CCDC33: variants seen among roughly 807,000 people sequenced by gnomAD.
The protein encoded by CCDC33 is coiled-coil domain-containing protein 33.
CCDC33 carries 94 observed loss-of-function variants against 91.9 expected under a neutral mutation model. The ratio of observed to expected loss-of-function variants is 1.02; its 90% CI spans 0.87 to 1.21. The LOEUF (loss-of-function observed/expected upper bound fraction) is 1.21. Ranked by LOEUF, CCDC33 falls within the 50% of genes most tolerant of loss-of-function variation. The pLI, the probability that CCDC33 is intolerant of heterozygous loss-of-function variation, is 0.00. For missense variants in CCDC33, 940 were observed against 935.5 expected (o/e 1.00, Z -0.06); for synonymous variants, 396 against 374.5 (o/e 1.06, Z -0.66).
chr15:74,330,325 A>AGGGCAAAG lies in CCDC33; in HGVS notation c.1428_1435dup (p.Ala479GlyfsTer13). On this transcript the variant is annotated frameshift_variant, in exon 12 of 19. Coordinates refer to ENST00000398814, the MANE Select transcript of CCDC33 (RefSeq NM_025055.5). LOFTEE classifies it high-confidence loss of function. ...GCCCAGCAGGAGGAGGAAGAGGGGC[A>AGGGCAAAG]GGGCAAAGCCAGTGAGGCCCAGAAC... is the stretch of plus-strand genomic sequence containing the variant. The AGGGCAAAG allele has an allele frequency of 6.2e-7, 1 of 1,608,212 alleles. No individual in the cohort carries two copies. The highest frequency in any genetic ancestry group is 8.5e-7 in the Non-Finnish European group (1 of 1,178,144).
chr15:74,315,212 G>A (rs2060068123), intron 11 of CCDC33, among the ~76,000 whole-genome samples: 1 of 152,208 alleles, frequency 6.6e-6, no homozygotes. Context: ...TCGAGTTGCG[G>A]GGAGGCCTCT....
chr15:74,262,210 CT>C (rs2076042498), intron 2 of CCDC33, among the ~76,000 whole-genome samples: 4 of 152,184 alleles, frequency 2.6e-5, no homozygotes, highest in Non-Finnish European at 5.9e-5. Context: ...AAGTGAGAGG[CT>C]TGTGACTAAG....
chr15:74,280,343 G>A (rs74354612), intron 8 of CCDC33, among the ~76,000 whole-genome samples: 3,761 of 152,302 alleles, frequency 0.025, 143 homozygotes, highest in African/African-American at 0.086. Flanking sequence ...ATGGGGGAGG[G>A]CTGGAGCCCT....
intron 10 of CCDC33, among the ~76,000 whole-genome samples, chr15:74,290,044 G>A (rs1479220401): frequency 6.6e-6 from 1 of 151,468 alleles, no homozygotes; most frequent in African/African-American, 2.5e-5. Flanking sequence ...TCAGAAAATG[G>A]GAGTTGGTCT....
intron 7 of CCDC33, among the ~76,000 whole-genome samples, chr15:74,278,617 C>A (rs2076511339): frequency 6.6e-6 from 1 of 152,246 alleles, no homozygotes; most frequent in African/African-American, 2.4e-5. Flanking sequence ...GCGTCCTCTG[C>A]ACAGGGTGTG....
At position 74,236,563 on chromosome 15, in the gene CCDC33, T is replaced by A; in HGVS notation, c.-157T>A. ...CCCCAGGGCTGGTGTGTGGCACCCC[T>A]GAGACCACATTGACCTCCATACTGT... On this transcript the variant is annotated 5_prime_UTR_variant, in exon 1 of 19. Coordinates refer to ENST00000398814, the MANE Select transcript of CCDC33 (RefSeq NM_025055.5). 8.1e-5 allele frequency: 26 copies of A among 320,756 alleles called. No individual in the cohort carries two copies. The highest frequency in any genetic ancestry group is 1.0e-4 in the Non-Finnish European group (17 of 168,436). The allele number at this position is 320,756 out of a possible 1,614,324, so 19.9% of individuals were successfully genotyped here. A position where few individuals can be genotyped will look rare whatever the true frequency, so the allele number is the denominator to read the frequency against.
intron 11 of CCDC33, 151 bp downstream of exon 11, chr15:74,296,099 G>C: frequency 1.6e-6 from 1 of 634,122 alleles, no homozygotes; most frequent in Non-Finnish European, 2.7e-6. Flanking sequence ...TTACCCCAAA[G>C]TCAAACTGCT....
intron 11 of CCDC33, among the ~76,000 whole-genome samples, chr15:74,326,550 C>T (rs1567037098): frequency 6.6e-6 from 1 of 152,226 alleles, no homozygotes; most frequent in Non-Finnish European, 1.5e-5. Context: ...CAAAGGCCAC[C>T]AGCGCTCAGT....
At chr15:74,312,576 C>A (rs763465371) in intron 11 of CCDC33, among the ~76,000 whole-genome samples, 1 of 152,182 alleles carries the variant, frequency 6.6e-6, no homozygotes, top group Non-Finnish European at 1.5e-5. Context: ...CTGTTCACAG[C>A]GCCTATGTAC....
intron 7 of CCDC33, among the ~76,000 whole-genome samples, chr15:74,278,777 A>T (rs2076515487): frequency 6.6e-6 from 1 of 152,234 alleles, no homozygotes; most frequent in Non-Finnish European, 1.5e-5. Context: ...GGAATATTTC[A>T]TATAGCTCTC....
At chr15:74,268,305 C>T in intron 4 of CCDC33, 37 bp from the exon 5 acceptor site, 1 of 1,465,672 alleles carries the variant, frequency 6.8e-7, no homozygotes, top group South Asian at 1.1e-5. Context: ...TAGACACTCT[C>T]CTTCCTCTGT....
chr15:74,330,700 T>G lies in CCDC33; in HGVS notation c.1494T>G (p.Asp498Glu). 6.2e-7 allele frequency: 1 copy of G among 1,613,470 alleles called. No individual in the cohort carries two copies. Among genetic ancestry groups the G allele is most frequent in the Admixed American group, 1.7e-5 (1 of 60,010 alleles). The change falls in exon 13 of 19, where the codon GAT becomes GAG. Residue 498 changes from aspartate to glutamate, a missense_variant. By Grantham distance (45) the Asp-to-Glu change is conservative. Coordinates refer to ENST00000398814, the MANE Select transcript of CCDC33 (RefSeq NM_025055.5). ...MKQKLLLSEL[D>E]MKKLRDRVQH... ...AGAAACTGCTGCTGAGTGAGCTGGA[T>G]ATGAAGAAACTGAGGGACAGGGTGC...
At chr15:74,235,682 G>A (rs746520243), upstream of CCDC33, among the ~76,000 whole-genome samples, 27 of 152,282 alleles carry the variant, frequency 1.8e-4, no homozygotes, top group Non-Finnish European at 3.4e-4. Flanking sequence ...CCTGCCTGGC[G>A]TGCAGCAAAT....
At position 74,218,540 on chromosome 15, in the gene CCDC33, G is replaced by A; in HGVS notation, c.354G>A (p.Val118=). The change falls in exon 2 of 3, where the codon GTG becomes GTA. Residue 118 remains valine, a synonymous_variant. Coordinates refer to the CCDC33 transcript ENST00000635913. The surrounding 1 kb of genome is among the most constrained non-coding windows in gnomAD (Gnocchi z 4.8). ...GGCAGCATGATGCTCAGCTGCATGTGGAGGCACTGAGGCTGGACGAACCCT... is the reference window on the plus strand; with the variant it reads ...GGCAGCATGATGCTCAGCTGCATGTAGAGGCACTGAGGCTGGACGAACCCT... 1.6e-6 allele frequency: 2 copies of A among 1,289,650 alleles called. No individual in the cohort carries two copies. Among genetic ancestry groups the A allele is most frequent in the Non-Finnish European group, 1.0e-6 (1 of 988,782 alleles). The allele number at this position is 1,289,650 out of a possible 1,614,324, so 79.9% of individuals were successfully genotyped here.
At chr15:74,273,383 G>A (rs1415005154) in intron 7 of CCDC33, among the ~76,000 whole-genome samples, 2 of 152,160 alleles carry the variant, frequency 1.3e-5, no homozygotes, top group Non-Finnish European at 2.9e-5. Flanking sequence ...ACAACAATAC[G>A]AACAAATGAA....
intron 2 of CCDC33, among the ~76,000 whole-genome samples, chr15:74,227,493 G>A (rs1241698383): frequency 6.6e-6 from 1 of 152,116 alleles, no homozygotes; most frequent in Non-Finnish European, 1.5e-5. Flanking sequence ...TTGGTATTAC[G>A]CTGGCCCCAA....
chr15:74,255,728 G>A (rs1024106995), intron 2 of CCDC33, among the ~76,000 whole-genome samples: 2 of 152,238 alleles, frequency 1.3e-5, no homozygotes, highest in Non-Finnish European at 1.5e-5. Flanking sequence ...GGACCGAGGC[G>A]CTCAGTGCCC....
chr15:74,280,058 A>G lies in CCDC33; in HGVS notation c.855A>G (p.Thr285=), dbSNP rs764842007. 8 of 1,614,006 alleles carry G rather than the reference A, an allele frequency of 5.0e-6. No individual in the cohort carries two copies. In the Admixed American group the frequency reaches 1.3e-4, roughly 27 times the overall value. Residue 285 remains threonine (T), a synonymous_variant, in exon 8 of 19, where the codon ACA becomes ACG. Transcript: ENST00000398814. ...GAGCTACCAGCTTCTCAGAAGACACAGCCCTGGTGCTGGAGTACTACTCCT... is the reference window on the plus strand; with the variant it reads ...GAGCTACCAGCTTCTCAGAAGACACGGCCCTGGTGCTGGAGTACTACTCCT... The part of the protein sequence containing the change: ...RDGATSFSED[T]ALVLEYYSST...
rs962342728 is a variant in CCDC33, at chr15:74,207,824, C to T, written n.90-1564C>T. The T allele has an allele frequency of 8.1e-5, 124 of 1,534,846 alleles. No homozygotes were observed. In the Middle Eastern group the frequency reaches 1.4e-3, roughly 17 times the overall value. Reference sequence around the variant, plus strand: ...CTCACACACACATCCAACTGCCCTTCGCACACATACGTGCTTAATTCTGGC... The same window carrying T: ...CTCACACACACATCCAACTGCCCTTTGCACACATACGTGCTTAATTCTGGC... On this transcript the variant is annotated intron_variant and non_coding_transcript_variant, in intron 1 of 3. Transcript: ENST00000558645.
Sources: allele counts gnomAD v4.1 joint callset (sites outside exome capture counted in the v4.1 genomes callset), GRCh38; gene constraint gnomAD v4.1.1; non-coding constraint Gnocchi (gnomAD v3.1); transcripts MANE v1.5; gene names NCBI Gene and HGNC (gene_info 2026-07-23, HGNC 2026-07-21).